ATE1: variants seen among roughly 807,000 people sequenced by gnomAD.
ATE1 encodes arginyltransferase 1.
Under a neutral mutation model 70.5 loss-of-function variants are expected in ATE1, and 36 were observed. The ratio of observed to expected loss-of-function variants is 0.51; its 90% CI spans 0.39 to 0.67. ATE1 has a LOEUF of 0.67. Ranked by LOEUF, ATE1 falls within the 30% of genes least tolerant of loss-of-function variation. ATE1 has a pLI of 0.00. For missense variants in ATE1, 593 were observed against 629.5 expected (o/e 0.94, Z 0.62); for synonymous variants, 232 against 219.3 (o/e 1.06, Z -0.51).
chr10:121,839,678 G>C (rs11200186), intron 9 of ATE1, among the ~76,000 whole-genome samples: 461 of 152,136 alleles, frequency 3.0e-3, no homozygotes, highest in Non-Finnish European at 5.3e-3. Flanking sequence ...TAAAAAGACT[G>C]TTATGGAGAT....
chr10:121,801,931 T>TAA (rs60193561), intron 10 of ATE1, among the ~76,000 whole-genome samples: 13 of 138,024 alleles, frequency 9.4e-5, no homozygotes, highest in African/African-American at 1.3e-4. Context: ...TTTTTAAAGT[T>TAA]AAAAAAAAAA....
chr10:121,927,105 C>T, intron 1 of ATE1: 3 of 985,276 alleles, frequency 3.0e-6, no homozygotes, highest in Non-Finnish European at 3.6e-6. Context: ...AAATGCATGG[C>T]AAGAGAGGAA....
At chr10:121,848,174 G>A (rs911717884) in intron 8 of ATE1, among the ~76,000 whole-genome samples, 1 of 152,134 alleles carries the variant, frequency 6.6e-6, no homozygotes, top group Non-Finnish European at 1.5e-5. Context: ...CCTGTCAAAT[G>A]TCAGAAAACC....
chr10:121,786,322 C>T (rs552375968), intron 11 of ATE1, among the ~76,000 whole-genome samples: 9 of 143,992 alleles, frequency 6.3e-5, no homozygotes, highest in Non-Finnish European at 1.3e-4. Flanking sequence ...TTATCTATTA[C>T]GGCTCTAAAC....
At chr10:121,786,532 G>T (rs920856884) in intron 11 of ATE1, among the ~76,000 whole-genome samples, 4 of 151,954 alleles carry the variant, frequency 2.6e-5, no homozygotes, top group Admixed American at 1.3e-4. Flanking sequence ...AGCCAGGCAT[G>T]GTGATGTGCA....
intron 10 of ATE1, among the ~76,000 whole-genome samples, chr10:121,824,482 C>T (rs4506572): frequency 0.88 from 134,219 of 152,252 alleles, 59,464 homozygotes; most frequent in Middle Eastern, 0.96. Flanking sequence ...TGCTTACTAT[C>T]ATAATAGTAA....
intron 11 of ATE1, among the ~76,000 whole-genome samples, chr10:121,759,977 T>C (rs1264411410): frequency 6.6e-6 from 1 of 151,680 alleles, no homozygotes; most frequent in Non-Finnish European, 1.5e-5. Context: ...TATGGTAAAT[T>C]TTGTGCTTTA....
intron 11 of ATE1, among the ~76,000 whole-genome samples, chr10:121,746,720 C>T (rs935824311): frequency 4.6e-5 from 7 of 151,032 alleles, no homozygotes; most frequent in Non-Finnish European, 1.0e-4. Flanking sequence ...GCTCTGAATA[C>T]TTAAGTTAGA....
intron 1 of ATE1, among the ~76,000 whole-genome samples, 189 bp from the exon 2 acceptor site, chr10:121,924,518 G>A (rs982320348): frequency 1.3e-5 from 2 of 152,010 alleles, no homozygotes; most frequent in South Asian, 2.1e-4. Context: ...GGCCAACATG[G>A]TGAAACCCCA....
intron 10 of ATE1, among the ~76,000 whole-genome samples, chr10:121,802,752 C>T (rs1946940932): frequency 6.6e-6 from 1 of 152,176 alleles, no homozygotes; most frequent in Non-Finnish European, 1.5e-5. Flanking sequence ...CATTCAATGA[C>T]TCATTATTAA....
At chr10:121,874,373 G>T (rs1404620101) in intron 7 of ATE1, among the ~76,000 whole-genome samples, 1 of 152,092 alleles carries the variant, frequency 6.6e-6, no homozygotes, top group Non-Finnish European at 1.5e-5. Context: ...AAATTAATTT[G>T]ATTCCACAAA....
chr10:121,854,468 T>C (rs1160465084), intron 8 of ATE1, among the ~76,000 whole-genome samples: 2 of 152,206 alleles, frequency 1.3e-5, no homozygotes, highest in Admixed American at 1.3e-4. Context: ...GTAGACTAGA[T>C]GGAGCTAAGT....
chr10:121,785,155 G>A (rs1414838543), intron 11 of ATE1, among the ~76,000 whole-genome samples: 1 of 152,090 alleles, frequency 6.6e-6, no homozygotes, highest in Non-Finnish European at 1.5e-5. Flanking sequence ...CATTCATTTT[G>A]CAACTTGAAG....
At chr10:121,840,216 C>T (rs977190559) in intron 9 of ATE1, among the ~76,000 whole-genome samples, 1 of 152,178 alleles carries the variant, frequency 6.6e-6, no homozygotes, top group Non-Finnish European at 1.5e-5. Flanking sequence ...TGATGAGGGT[C>T]ATAAATTCAA....
chr10:121,891,484 A>C (rs1950577834), intron 7 of ATE1, among the ~76,000 whole-genome samples: 1 of 152,178 alleles, frequency 6.6e-6, no homozygotes, highest in Non-Finnish European at 1.5e-5. Context: ...TCTAGTTTGC[A>C]TATCTATGCC....
At chr10:121,791,974 T>C (rs1287564532) in intron 10 of ATE1, among the ~76,000 whole-genome samples, 1 of 152,122 alleles carries the variant, frequency 6.6e-6, no homozygotes. Flanking sequence ...GAAGCATAGA[T>C]ACAAAATGAA....
rs539316780 is a variant in ATE1 at position 121,880,872 on chromosome 10, A to G, written c.943-10834T>C. ...TGTCAAGTGATTACCAGGAGGTCAT[A>G]AAACTTGATGCTCTTCAGTTTTAAT... is the stretch of plus-strand genomic sequence containing the variant. On this transcript the variant is annotated intron_variant, in intron 7 of 11. Transcript: ENST00000224652. Among the ~76,000 whole-genome samples the G allele has an allele frequency of 1.2e-4, 18 of 152,296 alleles. No individual in the cohort carries two copies. In the South Asian group the frequency reaches 3.7e-3, roughly 32 times the overall value.
At position 121,748,367 on chromosome 10, in the gene ATE1, A is replaced by C. The variant is rs148578225; in HGVS notation, c.1379-4509T>G. Among the ~76,000 whole-genome samples, 666 of 152,300 alleles carry C rather than the reference A, an allele frequency of 4.4e-3. 3 individuals are homozygous for C. Among genetic ancestry groups the C allele is most frequent in the African/African-American group, 0.016 (647 of 41,574 alleles). ...TGTATAATTTACATCAATTATTTTA[A>C]AGTGTATTCCCTGTGGAGAGCAGAA... On this transcript the variant is annotated intron_variant, in intron 11 of 11. Coordinates refer to ENST00000224652, the MANE Select transcript of ATE1 (RefSeq NM_001001976.3).
intron 1 of ATE1, chr10:121,927,613 A>G: frequency 4.2e-6 from 4 of 954,598 alleles, no homozygotes; most frequent in Non-Finnish European, 5.0e-6. Context: ...GACTCTGGGG[A>G]GACCACCACG....
Sources: gnomAD v4.1 joint callset for allele counts (sites outside exome capture counted in the v4.1 genomes callset) on GRCh38, gnomAD v4.1.1 for gene constraint, MANE v1.5 for transcripts, NCBI Gene and HGNC (gene_info 2026-07-23, HGNC 2026-07-21) for gene names.